STEAP3: variants seen among roughly 807,000 people sequenced by gnomAD.
STEAP3 encodes metalloreductase STEAP3.
A neutral mutation model predicts 34.9 loss-of-function variants in STEAP3; 35 were observed. That is an observed-to-expected ratio of 1.00 (90% CI 0.76 to 1.33). The LOEUF is 1.33. Ranked by LOEUF, STEAP3 falls within the 40% of genes most tolerant of loss-of-function variation. The pLI is 0.00. For synonymous variants in STEAP3, 281 were observed against 301.6 expected, an observed-to-expected ratio of 0.93 and a Z score of 0.71; for missense variants, 652 against 667.6, an observed-to-expected ratio of 0.98 and a Z score of 0.26.
At chr2:119,242,102 G>A (rs1456824453) in intron 2 of STEAP3, among the ~76,000 whole-genome samples, 1 of 152,180 alleles carries the variant, frequency 6.6e-6, no homozygotes, top group Non-Finnish European at 1.5e-5. Context: ...CCCTCAGGGT[G>A]GGGACCGCTT....
At chr2:119,257,232 G>T (rs909588629) in intron 5 of STEAP3, among the ~76,000 whole-genome samples, 1 of 152,222 alleles carries the variant, frequency 6.6e-6, no homozygotes, top group Non-Finnish European at 1.5e-5. Flanking sequence ...ATATGGAATT[G>T]CTAGTTTTAT....
rs910849462 is a variant in STEAP3 at position 119,248,225 on chromosome 2, T to C, written c.1050+19T>C. 1.9e-6 allele frequency: 3 copies of C among 1,550,976 alleles called. No individual in the cohort carries two copies. Among genetic ancestry groups the C allele is most frequent in the Admixed American group, 1.8e-5 (1 of 56,314 alleles). ...CAAGCAGGTACCCACCCCATGCCCT[T>C]CCTCCCTCTGGCAACTCAGCACATG... is the stretch of plus-strand genomic sequence containing the variant. On this transcript the variant is annotated intron_variant, in intron 4 of 5. Transcript: ENST00000393110.
Position 119,248,001 on chromosome 2 carries a change from T to C in STEAP3, c.845T>C (p.Leu282Ser). The C allele has an allele frequency of 6.2e-7, 1 of 1,611,760 alleles. No individual in the cohort carries two copies. The highest frequency in any genetic ancestry group is 8.5e-7 in the Non-Finnish European group (1 of 1,179,912). The change falls in exon 4 of 6, where the codon TTG becomes TCG. Residue 282 changes from leucine (L) to serine (S), a missense_variant. Transcript: ENST00000393110. ...VAYVLLSLVY[L>S]PGVLAAALQL... ...TACGTGCTGCTGTCACTCGTGTACT[T>C]GCCCGGCGTGCTGGCGGCTGCCCTG...
At chr2:119,235,353 G>A (rs552970768) in intron 2 of STEAP3, among the ~76,000 whole-genome samples, 17 of 152,332 alleles carry the variant, frequency 1.1e-4, no homozygotes, top group African/African-American at 3.1e-4. Flanking sequence ...CGAAGCCCCC[G>A]TGAGCAGGGA....
Position 119,263,065 on chromosome 2 carries a change from G to A in STEAP3, c.1224G>A (p.Leu408=), listed in dbSNP as rs200363679. 6.5e-5 allele frequency: 104 copies of A among 1,605,654 alleles called. No homozygotes were observed. Among genetic ancestry groups the A allele is most frequent in the Non-Finnish European group, 7.7e-5 (91 of 1,179,816 alleles). ...WREFSFVQSS[L]GFVALVLSTL... is the part of the protein sequence containing the mutation. Reference sequence around the variant, plus strand: ...TTTTTTTCCCTCCACAGTCCTCACTGGGCTTTGTGGCCCTCGTGCTGAGCA... The same window carrying A: ...TTTTTTTCCCTCCACAGTCCTCACTAGGCTTTGTGGCCCTCGTGCTGAGCA... The change falls in exon 6 of 6, where the codon CTG becomes CTA. Residue 408 remains leucine (L), a synonymous_variant. Transcript: ENST00000393110.
Position 119,245,811 on chromosome 2 carries a change from G to C in STEAP3, c.345G>C (p.Gln115His), listed in dbSNP as rs1294282263. 6.2e-7 allele frequency: 1 copy of C among 1,614,228 alleles called. No individual in the cohort carries two copies. Among genetic ancestry groups the C allele is most frequent in the Admixed American group, 1.7e-5 (1 of 60,026 alleles). The change falls in exon 3 of 6, where the codon CAG (glutamine) becomes CAC (histidine). Residue 115 changes from glutamine (Q) to histidine (H), a missense_variant. By Grantham distance (24) the Gln-to-His change is conservative (BLOSUM62 0). Transcript: ENST00000393110. ...CTTCACTGTGCAGTCTCAGTGACCA[G>C]CTGGCGGGCAAGATCCTGGTGGATG... The part of the protein sequence containing the change: ...HYSSLCSLSD[Q>H]LAGKILVDVS...
chr2:119,243,410 G>C (rs768863824), intron 2 of STEAP3, among the ~76,000 whole-genome samples: 10 of 152,132 alleles, frequency 6.6e-5, no homozygotes, highest in Admixed American at 5.2e-4. Flanking sequence ...TCTGACTGCC[G>C]AGGCAGACAG....
chr2:119,253,520 T>C (rs1410902493), intron 4 of STEAP3, among the ~76,000 whole-genome samples: 1 of 152,192 alleles, frequency 6.6e-6, no homozygotes, highest in Non-Finnish European at 1.5e-5. Context: ...TGAGTCATTC[T>C]GTTTTGAGAG....
chr2:119,259,166 C>T (rs838068), intron 5 of STEAP3, among the ~76,000 whole-genome samples: 1,803 of 152,302 alleles, frequency 0.012, 30 homozygotes, highest in African/African-American at 0.04. Flanking sequence ...ACCAGCCTGA[C>T]CCCAGCTTCA....
intron 4 of STEAP3, among the ~76,000 whole-genome samples, chr2:119,250,640 G>A (rs1378705679): frequency 1.3e-5 from 2 of 152,062 alleles, no homozygotes; most frequent in African/African-American, 2.4e-5. Context: ...AGACGGGGAC[G>A]GTGCCCACTA....
chr2:119,232,639 G>A (rs13425946), intron 2 of STEAP3, among the ~76,000 whole-genome samples: 2,651 of 152,228 alleles, frequency 0.017, 70 homozygotes, highest in African/African-American at 0.06. Context: ...GACTTATATT[G>A]TAAATTTCAG....
At chr2:119,253,485 G>A (rs1162744377) in intron 4 of STEAP3, among the ~76,000 whole-genome samples, 1 of 150,568 alleles carries the variant, frequency 6.6e-6, no homozygotes, top group East Asian at 1.9e-4. Context: ...TTTTTCTGCT[G>A]AAATTGTTTC....
intron 2 of STEAP3, among the ~76,000 whole-genome samples, chr2:119,231,740 GA>G (rs1384277405): frequency 1.3e-5 from 2 of 152,150 alleles, no homozygotes; most frequent in Non-Finnish European, 2.9e-5. Context: ...ATTTTTTAAT[GA>G]TGTCTAAATA....
intron 4 of STEAP3, chr2:119,248,855 G>C (rs1290406527): frequency 6.6e-6 from 1 of 152,458 alleles, no homozygotes; most frequent in Non-Finnish European, 1.5e-5. Flanking sequence ...TTTTGGCTGA[G>C]AACAGACTGT....
At chr2:119,229,893 C>T (rs1679162671) in intron 1 of STEAP3, among the ~76,000 whole-genome samples, 1 of 137,500 alleles carries the variant, frequency 7.3e-6, no homozygotes, top group Non-Finnish European at 1.6e-5. Flanking sequence ...CGCGGAGATT[C>T]AGGAATCTAG....
At chr2:119,257,701 C>A in intron 5 of STEAP3, 1 of 1,410,192 alleles carries the variant, frequency 7.1e-7, no homozygotes, top group East Asian at 2.9e-5. Flanking sequence ...AAGCTGCAAC[C>A]TTCTCCTTTA....
At chr2:119,257,743 G>A (rs1260449635) in intron 5 of STEAP3, 1 of 1,379,248 alleles carries the variant, frequency 7.3e-7, no homozygotes, top group Non-Finnish European at 9.3e-7. Context: ...AGTTACCTGA[G>A]CCCCATCACC....
Position 119,254,678 on chromosome 2 carries a change from T to C in STEAP3, c.1051-6T>C, listed in dbSNP as rs1326435971. On this transcript the variant is annotated splice_polypyrimidine_tract_variant and splice_region_variant and intron_variant, in intron 4 of 5. Coordinates refer to ENST00000393110, the MANE Select transcript of STEAP3 (RefSeq NM_182915.3). ...GTGTTCATGGTTTTCCTTCCATCCATGTCAGGTCTTGGCCAACAAGAGCCA... is the reference window on the plus strand; with the variant it reads ...GTGTTCATGGTTTTCCTTCCATCCACGTCAGGTCTTGGCCAACAAGAGCCA... 1.9e-6 allele frequency: 3 copies of C among 1,614,106 alleles called. No individual in the cohort carries two copies. The highest frequency in any genetic ancestry group is 1.3e-5 in the African/African-American group (1 of 75,032).
intron 2 of STEAP3, among the ~76,000 whole-genome samples, chr2:119,240,519 T>G (rs1160882670): frequency 2.0e-5 from 3 of 152,180 alleles, no homozygotes; most frequent in Non-Finnish European, 4.4e-5. Flanking sequence ...GAAGAGGCCA[T>G]GGGGCTGTGG....
Sources: gnomAD v4.1 joint callset for allele counts (sites outside exome capture counted in the v4.1 genomes callset) on GRCh38, gnomAD v4.1.1 for gene constraint, MANE v1.5 for transcripts, NCBI Gene and HGNC (gene_info 2026-07-23, HGNC 2026-07-21) for gene names.